PPP3CC: variants seen among roughly 807,000 people sequenced by gnomAD.
The protein encoded by PPP3CC is protein phosphatase 3 catalytic subunit gamma.
In PPP3CC, 35 loss-of-function variants were observed where a neutral mutation model predicts 60.3. The ratio of observed to expected loss-of-function variants is 0.58; its 90% CI spans 0.44 to 0.77. PPP3CC has a LOEUF of 0.77. Ranked by LOEUF, PPP3CC falls within the 30% of genes least tolerant of loss-of-function variation. PPP3CC has a pLI of 0.00. For missense variants in PPP3CC, 570 were observed against 628.9 expected, an observed-to-expected ratio of 0.91 and a Z score of 1.00; for synonymous variants, 206 against 224.3, an observed-to-expected ratio of 0.92 and a Z score of 0.73.
chr8:22,514,304 A>AT (rs1432001303), intron 6 of PPP3CC, among the ~76,000 whole-genome samples: 4 of 150,170 alleles, frequency 2.7e-5, no homozygotes, highest in Non-Finnish European at 5.9e-5. Context: ...AATCTAAATT[A>AT]TTTTTAATCC....
intron 3 of PPP3CC, among the ~76,000 whole-genome samples, chr8:22,481,444 TA>T (rs775404143): frequency 1.3e-5 from 2 of 151,112 alleles, no homozygotes; most frequent in Non-Finnish European, 2.9e-5. Flanking sequence ...TACATGGATG[TA>T]AAAACGTTAG....
chr8:22,468,322 C>G (rs1837611049), intron 1 of PPP3CC, among the ~76,000 whole-genome samples: 1 of 152,128 alleles, frequency 6.6e-6, no homozygotes, highest in Non-Finnish European at 1.5e-5. Context: ...CCAGGCTGAT[C>G]TCAAACTCCT....
intron 1 of PPP3CC, among the ~76,000 whole-genome samples, 191 bp downstream of exon 1, chr8:22,441,649 A>G (rs958010986): frequency 9.9e-5 from 15 of 152,056 alleles, no homozygotes; most frequent in African/African-American, 3.1e-4. Context: ...GCACCTGGTC[A>G]GGTGCCTGGC....
At chr8:22,501,768 T>C (rs984463668) in intron 4 of PPP3CC, among the ~76,000 whole-genome samples, 1 of 152,180 alleles carries the variant, frequency 6.6e-6, no homozygotes, top group Non-Finnish European at 1.5e-5. Context: ...TTCAGCACTT[T>C]GGGATGCCAA....
chr8:22,463,665 CT>C (rs1837429235), intron 1 of PPP3CC, among the ~76,000 whole-genome samples: 1 of 152,150 alleles, frequency 6.6e-6, no homozygotes, highest in Admixed American at 6.5e-5. Context: ...GTCTCTAGGA[CT>C]TTCTTTCATT....
intron 4 of PPP3CC, among the ~76,000 whole-genome samples, chr8:22,505,800 G>T (rs1288655111): frequency 6.6e-6 from 1 of 152,192 alleles, no homozygotes; most frequent in South Asian, 2.1e-4. Flanking sequence ...TAAATGATGT[G>T]AGGAGGCTAG....
chr8:22,469,275 G>A (rs755275431), intron 1 of PPP3CC, among the ~76,000 whole-genome samples: 7 of 152,116 alleles, frequency 4.6e-5, no homozygotes, highest in Non-Finnish European at 1.0e-4. Flanking sequence ...TTATATGTGG[G>A]AGCTAAAAAT....
Position 22,464,970 on chromosome 8 carries a change from C to T in PPP3CC, c.50-9984C>T, listed in dbSNP as rs187748360. Among the ~76,000 whole-genome samples, 20 of 150,806 alleles carry T rather than the reference C, an allele frequency of 1.3e-4. No homozygotes were observed. The East Asian group carries it at 3.7e-3, about 28-fold the overall frequency. ...CAGATTCTACGGGAGAGACATTAGA[C>T]TCTCCCTTTTTTTTTTTTTTTTTGT... is the stretch of plus-strand genomic sequence containing the variant. On this transcript the variant is annotated intron_variant, in intron 1 of 13. Transcript: ENST00000240139.
At chr8:22,494,822 A>G (rs897284872) in intron 3 of PPP3CC, among the ~76,000 whole-genome samples, 8 of 152,236 alleles carry the variant, frequency 5.3e-5, no homozygotes, top group Non-Finnish European at 1.2e-4. Flanking sequence ...TAGGTAACCA[A>G]TCTCTTCAGT....
At chr8:22,490,081 C>T (rs1163813417) in intron 3 of PPP3CC, among the ~76,000 whole-genome samples, 1 of 151,844 alleles carries the variant, frequency 6.6e-6, no homozygotes, top group African/African-American at 2.4e-5. Context: ...CCTTGGCCTC[C>T]CAAAGTGCTG....
intron 6 of PPP3CC, among the ~76,000 whole-genome samples, chr8:22,519,575 G>A (rs960750251): frequency 3.9e-5 from 6 of 152,200 alleles, no homozygotes; most frequent in Non-Finnish European, 5.9e-5. Flanking sequence ...TCTGTCTTAC[G>A]CTGAGAAGAA....
chr8:22,534,586 C>T (rs1046686818), intron 12 of PPP3CC, among the ~76,000 whole-genome samples: 1 of 152,196 alleles, frequency 6.6e-6, no homozygotes, highest in African/African-American at 2.4e-5. Flanking sequence ...CAGTTCCACA[C>T]CTGGTGTATA....
chr8:22,473,468 C>CTT (rs34686423), intron 1 of PPP3CC, among the ~76,000 whole-genome samples: 216 of 146,856 alleles, frequency 1.5e-3, no homozygotes, highest in Middle Eastern at 7.1e-3. Context: ...CCCTTATCCA[C>CTT]TTTTTTTTTT....
chr8:22,444,434 T>C (rs755136787), intron 1 of PPP3CC, among the ~76,000 whole-genome samples: 8 of 152,208 alleles, frequency 5.3e-5, no homozygotes, highest in African/African-American at 7.2e-5. Context: ...AGTAGAGATA[T>C]CATTAACATT....
chr8:22,479,827 G>C (rs1563717160), intron 3 of PPP3CC, among the ~76,000 whole-genome samples: 1 of 151,970 alleles, frequency 6.6e-6, no homozygotes, highest in Admixed American at 6.5e-5. Context: ...TATGTCTGAA[G>C]AAAAGAGAAG....
At chr8:22,467,350 A>T (rs1474444453) in intron 1 of PPP3CC, among the ~76,000 whole-genome samples, 1 of 152,162 alleles carries the variant, frequency 6.6e-6, no homozygotes, top group Non-Finnish European at 1.5e-5. Flanking sequence ...TTTCGATCAT[A>T]GTTTTTATGG....
chr8:22,520,617 A>T (rs1412806933), intron 6 of PPP3CC, among the ~76,000 whole-genome samples: 1 of 151,906 alleles, frequency 6.6e-6, no homozygotes, highest in Non-Finnish European at 1.5e-5. Context: ...TGAGCTTTTC[A>T]GTTGAGTCAT....
At chr8:22,472,363 A>AACACACAGACACACAC (rs1837750715) in intron 1 of PPP3CC, among the ~76,000 whole-genome samples, 1 of 125,614 alleles carries the variant, frequency 8.0e-6, no homozygotes, top group Non-Finnish European at 1.6e-5. Flanking sequence ...GGTAAAAATG[A>AACACACAGACACACAC]ACACACACAC....
intron 8 of PPP3CC, among the ~76,000 whole-genome samples, chr8:22,523,995 G>A (rs1477053333): frequency 6.6e-6 from 1 of 152,200 alleles, no homozygotes; most frequent in Non-Finnish European, 1.5e-5. Context: ...TCACTTTTAA[G>A]TGTGTCACAT....
Sources: gnomAD v4.1 joint callset for allele counts (sites outside exome capture counted in the v4.1 genomes callset) on GRCh38, gnomAD v4.1.1 for gene constraint, MANE v1.5 for transcripts, NCBI Gene and HGNC (gene_info 2026-07-23, HGNC 2026-07-21) for gene names.